MARCHF1: variants seen among roughly 807,000 people sequenced by gnomAD.
MARCHF1 encodes membrane associated ring-CH-type finger 1.
MARCHF1 carries 40 observed loss-of-function variants against 54.2 expected under a neutral mutation model. The ratio of observed to expected loss-of-function variants is 0.74; its 90% CI spans 0.57 to 0.96. The LOEUF is 0.96. Among genes scored for constraint, MARCHF1 ranks in the 40% least tolerant of loss-of-function variants. The probability of loss-of-function intolerance (pLI) is 0.00; values close to 1 mark genes in which losing one functional copy is unlikely to be tolerated. For synonymous variants in MARCHF1, 236 were observed against 236.3 expected, an observed-to-expected ratio of 1.00 and a Z score of 0.01; for missense variants, 586 against 656.5, an observed-to-expected ratio of 0.89 and a Z score of 1.17.
At chr4:163,644,800 T>C (rs1742691729) in intron 5 of MARCHF1, among the ~76,000 whole-genome samples, 1 of 152,198 alleles carries the variant, frequency 6.6e-6, no homozygotes, top group East Asian at 1.9e-4. Flanking sequence ...TGTCCATCAT[T>C]GCTCCTGTAA....
intron 5 of MARCHF1, among the ~76,000 whole-genome samples, chr4:163,638,266 A>G (rs1742420862): frequency 6.6e-6 from 1 of 152,128 alleles, no homozygotes; most frequent in Admixed American, 6.6e-5. Flanking sequence ...AAAAAAAAAA[A>G]AAGAAATGTA....
At chr4:163,969,745 C>T (rs545752161) in intron 3 of MARCHF1, among the ~76,000 whole-genome samples, 29 of 152,116 alleles carry the variant, frequency 1.9e-4, no homozygotes, top group Admixed American at 3.3e-4. Context: ...TTAATCAATG[C>T]GTTTATCATT....
At chr4:163,592,582 C>T (rs1740626771) in intron 7 of MARCHF1, among the ~76,000 whole-genome samples, 1 of 151,998 alleles carries the variant, frequency 6.6e-6, no homozygotes, top group Non-Finnish European at 1.5e-5. Flanking sequence ...TAATGATCAC[C>T]TTGCTTGGTC....
In MARCHF1 at chr4:164,265,137, A is replaced by AT. The variant is rs1733576738; in HGVS notation, c.-323+118732dup. On this transcript the variant is annotated intron_variant, in intron 1 of 9. Transcript: ENST00000514618. ...GCTCCTTTTGTGAATCTCATTCATA[A>AT]TATAAAGTATAAATTTGTGATTTTG... Among the ~76,000 whole-genome samples, 11 of 152,210 alleles carry AT rather than the reference A, an allele frequency of 7.2e-5. No homozygotes were observed. The South Asian group carries it at 2.3e-3, about 32-fold the overall frequency.
At chr4:163,923,920 T>TACC (rs1560821202) in intron 3 of MARCHF1, among the ~76,000 whole-genome samples, 2 of 151,688 alleles carry the variant, frequency 1.3e-5, no homozygotes. Flanking sequence ...GATACTTTAT[T>TACC]TTTAAAAATT....
chr4:163,973,093 C>T (rs13104926), intron 3 of MARCHF1, among the ~76,000 whole-genome samples: 2 of 152,000 alleles, frequency 1.3e-5, no homozygotes, highest in African/African-American at 4.8e-5. Context: ...AATTTAACTT[C>T]TTCAAAGACT....
At chr4:164,304,428 T>C (rs1734645260) in intron 1 of MARCHF1, among the ~76,000 whole-genome samples, 1 of 152,188 alleles carries the variant, frequency 6.6e-6, no homozygotes, top group African/African-American at 2.4e-5. Context: ...CCCTGGTGTA[T>C]TTCCCTCCCA....
At chr4:163,672,371 C>T (rs1057340625) in intron 5 of MARCHF1, among the ~76,000 whole-genome samples, 4 of 151,990 alleles carry the variant, frequency 2.6e-5, no homozygotes, top group Admixed American at 1.3e-4. Context: ...TCCCTCAGCA[C>T]GGCACAGCTT....
intron 3 of MARCHF1, among the ~76,000 whole-genome samples, chr4:163,953,060 T>A (rs1752164806): frequency 6.6e-6 from 1 of 152,132 alleles, no homozygotes; most frequent in Non-Finnish European, 1.5e-5. Flanking sequence ...CACCTGCCAT[T>A]TTTTGACCTC....
chr4:163,955,074 T>C (rs1752204728), intron 3 of MARCHF1, among the ~76,000 whole-genome samples: 1 of 151,850 alleles, frequency 6.6e-6, no homozygotes, highest in African/African-American at 2.4e-5. Context: ...TTAAGAAATA[T>C]GGGAATTTGG....
chr4:163,530,785 AACTC>A (rs1474694100), intron 9 of MARCHF1: 5 of 151,932 alleles, frequency 3.3e-5, no homozygotes, highest in African/African-American at 9.7e-5. Flanking sequence ...TTTTCTAACT[AACTC>A]CTAATACGCA....
chr4:163,654,805 T>C (rs1224255228), intron 5 of MARCHF1, among the ~76,000 whole-genome samples: 1 of 151,698 alleles, frequency 6.6e-6, no homozygotes, highest in Non-Finnish European at 1.5e-5. Flanking sequence ...TGAGTCACTT[T>C]TACAATCTGT....
At chr4:163,812,883 C>T (rs1748432021) in intron 4 of MARCHF1, among the ~76,000 whole-genome samples, 1 of 152,178 alleles carries the variant, frequency 6.6e-6, no homozygotes, top group South Asian at 2.1e-4. Flanking sequence ...TAACTATAGA[C>T]TGTATAACAT....
At chr4:164,267,705 C>A (rs566590181) in intron 1 of MARCHF1, among the ~76,000 whole-genome samples, 26 of 152,260 alleles carry the variant, frequency 1.7e-4, no homozygotes, top group African/African-American at 6.3e-4. Flanking sequence ...AAGAACACAA[C>A]TGATTTTGAG....
At chr4:163,958,397 AT>A (rs2110803005) in intron 3 of MARCHF1, among the ~76,000 whole-genome samples, 1 of 152,206 alleles carries the variant, frequency 6.6e-6, no homozygotes, top group East Asian at 1.9e-4. Flanking sequence ...CCCAATGGAT[AT>A]TCAGTGTCCA....
At chr4:164,238,204 T>A (rs1732623447) in intron 1 of MARCHF1, among the ~76,000 whole-genome samples, 1 of 152,036 alleles carries the variant, frequency 6.6e-6, no homozygotes, top group Non-Finnish European at 1.5e-5. Context: ...ACTGAGCGCA[T>A]AACTGTCGGT....
intron 1 of MARCHF1, among the ~76,000 whole-genome samples, chr4:164,380,262 TTAAC>T (rs1162186984): frequency 6.6e-6 from 1 of 152,170 alleles, no homozygotes; most frequent in African/African-American, 2.4e-5. Context: ...ATTTACTTCT[TTAAC>T]TGAAACTAAT....
At chr4:164,200,978 C>T (rs1314334380) in intron 1 of MARCHF1, among the ~76,000 whole-genome samples, 1 of 151,932 alleles carries the variant, frequency 6.6e-6, no homozygotes, top group Non-Finnish European at 1.5e-5. Flanking sequence ...AGAAAGAAAG[C>T]CAGACCACGA....
intron 1 of MARCHF1, among the ~76,000 whole-genome samples, chr4:164,122,901 T>C (rs1436552879): frequency 6.6e-6 from 1 of 152,098 alleles, no homozygotes; most frequent in African/African-American, 2.4e-5. Flanking sequence ...TCACCACCGT[T>C]ATTCATCAAA....
Sources: allele counts gnomAD v4.1 joint callset (sites outside exome capture counted in the v4.1 genomes callset), GRCh38; gene constraint gnomAD v4.1.1; transcripts MANE v1.5; gene names NCBI Gene and HGNC (gene_info 2026-07-23, HGNC 2026-07-21).